TP63: variants seen among roughly 807,000 people sequenced by gnomAD.
TP63 encodes tumor protein p63.
A neutral mutation model predicts 82.8 loss-of-function variants in TP63; 17 were observed. The observed-to-expected ratio is 0.21, with a 90% CI of 0.14 to 0.31. TP63 has a LOEUF of 0.31. Among genes scored for constraint, TP63 ranks in the 10% least tolerant of loss-of-function variants. The pLI, the probability that TP63 is intolerant of heterozygous loss-of-function variation, is 1.00. For synonymous variants in TP63, 330 were observed against 321.7 expected (o/e 1.03, Z -0.28); for missense variants, 648 against 895.3 (o/e 0.72, Z 3.52).
intron 3 of TP63, among the ~76,000 whole-genome samples, chr3:189,792,386 A>G (rs923028871): frequency 4.6e-5 from 7 of 152,032 alleles, no homozygotes; most frequent in Non-Finnish European, 8.8e-5. Flanking sequence ...GAACTTCTTC[A>G]CAGATCAAGT....
intron 1 of TP63, among the ~76,000 whole-genome samples, chr3:189,646,939 G>C (rs1712468145): frequency 6.8e-6 from 1 of 147,236 alleles, no homozygotes; most frequent in South Asian, 2.2e-4. Context: ...CCAGTCATAA[G>C]AGAATGCCAC....
chr3:189,792,415 GCAAAACAAAA>G (rs945075022), intron 3 of TP63, among the ~76,000 whole-genome samples: 5 of 151,928 alleles, frequency 3.3e-5, no homozygotes, highest in Non-Finnish European at 5.9e-5. Flanking sequence ...CAACTTTCTG[GCAAAACAAAA>G]CAAAACAAAA....
chr3:189,769,769 C>T (rs1390787182), intron 3 of TP63, among the ~76,000 whole-genome samples: 1 of 152,154 alleles, frequency 6.6e-6, no homozygotes, highest in African/African-American at 2.4e-5. Flanking sequence ...TGTCACTGAC[C>T]TTCAATGAAA....
chr3:189,644,701 T>G (rs1308624083), intron 1 of TP63, among the ~76,000 whole-genome samples: 1 of 152,072 alleles, frequency 6.6e-6, no homozygotes, highest in Non-Finnish European at 1.5e-5. Context: ...TCCCCTTGAG[T>G]GTCCAAAGTC....
At chr3:189,782,668 C>A (rs886108204) in intron 3 of TP63, among the ~76,000 whole-genome samples, 1 of 151,924 alleles carries the variant, frequency 6.6e-6, no homozygotes, top group Non-Finnish European at 1.5e-5. Context: ...GATATTTTAC[C>A]TTTTAGAGAT....
chr3:189,789,143 A>C (rs1724869496), intron 3 of TP63, among the ~76,000 whole-genome samples: 1 of 151,744 alleles, frequency 6.6e-6, no homozygotes, highest in Admixed American at 6.6e-5. Context: ...TAAGTTAAAA[A>C]CTCTTTAGCT....
intron 6 of TP63, 48 bp downstream of exon 6, chr3:189,866,845 G>C (rs371465405): frequency 1.4e-6 from 2 of 1,456,208 alleles, no homozygotes; most frequent in East Asian, 4.5e-5. Flanking sequence ...TATGGACTGA[G>C]TAGACTTGAG....
At chr3:189,800,960 A>T (rs1473249727) in intron 3 of TP63, among the ~76,000 whole-genome samples, 2 of 152,076 alleles carry the variant, frequency 1.3e-5, no homozygotes, top group Non-Finnish European at 2.9e-5. Context: ...ATTGAAACTG[A>T]TATGTCTTCA....
chr3:189,867,702 GA>G (rs1449607931), intron 6 of TP63, 130 bp from the exon 7 acceptor site: 1 of 834,062 alleles, frequency 1.2e-6, no homozygotes, highest in Non-Finnish European at 2.0e-6. Context: ...ACAGGGTTCA[GA>G]GTTTGCCCTT....
intron 3 of TP63, among the ~76,000 whole-genome samples, chr3:189,740,616 C>T (rs968395465): frequency 1.1e-4 from 17 of 152,176 alleles, no homozygotes; most frequent in African/African-American, 3.9e-4. Flanking sequence ...TCTCCTGCCT[C>T]AGCCTCCTGA....
rs1247417134 is a variant in TP63, at chr3:189,864,229, C to T, written c.580-3C>T. ...TTTCTCCACTGGCCCCAACTCTAAG[C>T]AGTATTCCACTGAACTGAAGAAACT... is the stretch of plus-strand genomic sequence containing the variant. On this transcript the variant is annotated splice_region_variant and splice_polypyrimidine_tract_variant and intron_variant, in intron 4 of 13. Transcript: ENST00000264731. 1 of 1,614,134 alleles carries T rather than the reference C, an allele frequency of 6.2e-7. No individual in the cohort carries two copies. The highest frequency in any genetic ancestry group is 8.5e-7 in the Non-Finnish European group (1 of 1,180,010).
the TP63 span, among the ~76,000 whole-genome samples, chr3:189,611,407 T>C: frequency 2.4e-4 from 36 of 152,296 alleles, no homozygotes; most frequent in African/African-American, 8.7e-4. Context: ...GGTTGTCTTT[T>C]CCCCATTGTT....
At chr3:189,859,350 A>G (rs1716719694) in intron 4 of TP63, among the ~76,000 whole-genome samples, 1 of 152,202 alleles carries the variant, frequency 6.6e-6, no homozygotes, top group Non-Finnish European at 1.5e-5. Flanking sequence ...AAAAGGTACA[A>G]AATATTTGAA....
intron 12 of TP63, 54 bp from the exon 13 acceptor site, chr3:189,890,735 G>T: frequency 6.5e-7 from 1 of 1,539,682 alleles, no homozygotes; most frequent in Non-Finnish European, 9.0e-7. Context: ...CAATGCAGTT[G>T]GGGTGAACTT....
chr3:189,761,924 G>C (rs1335758794), intron 3 of TP63, among the ~76,000 whole-genome samples: 1 of 152,162 alleles, frequency 6.6e-6, no homozygotes, highest in Non-Finnish European at 1.5e-5. Flanking sequence ...AAAACCATCA[G>C]ATCTCCTGAG....
intron 11 of TP63, among the ~76,000 whole-genome samples, chr3:189,886,994 A>C (rs1327548289): frequency 6.6e-6 from 1 of 152,108 alleles, no homozygotes; most frequent in Non-Finnish European, 1.5e-5. Context: ...GGATCACTTG[A>C]GGTCAGGAGT....
At chr3:189,643,803 T>C (rs557838796) in intron 1 of TP63, among the ~76,000 whole-genome samples, 1 of 152,344 alleles carries the variant, frequency 6.6e-6, no homozygotes, top group South Asian at 2.1e-4. Flanking sequence ...TTCATTGCGG[T>C]GGACAGGAGA....
At chr3:189,883,362 T>C (rs1383737674) in intron 10 of TP63, among the ~76,000 whole-genome samples, 1 of 152,156 alleles carries the variant, frequency 6.6e-6, no homozygotes, top group East Asian at 1.9e-4. Context: ...CACTTTCATA[T>C]TAAAGGGAAG....
chr3:189,627,469 A>C (rs763244078), upstream of TP63, among the ~76,000 whole-genome samples: 1 of 152,178 alleles, frequency 6.6e-6, no homozygotes, highest in Non-Finnish European at 1.5e-5. Context: ...CATTTATGTG[A>C]TATTCTAGCA....
Sources: allele counts gnomAD v4.1 joint callset (sites outside exome capture counted in the v4.1 genomes callset), GRCh38; gene constraint gnomAD v4.1.1; transcripts MANE v1.5; gene names NCBI Gene and HGNC (gene_info 2026-07-23, HGNC 2026-07-21).